DCTN1: variants seen among roughly 807,000 people sequenced by gnomAD.
DCTN1 encodes the protein dynactin subunit 1.
Under a neutral mutation model 161.2 loss-of-function variants are expected in DCTN1, and 61 were observed. The observed-to-expected ratio is 0.38, with a 90% CI of 0.31 to 0.47. DCTN1 has a LOEUF of 0.47. DCTN1 is among the 20% of genes least tolerant of loss of function. The pLI, the probability that DCTN1 is intolerant of heterozygous loss-of-function variation, is 0.99. For missense variants in DCTN1, 1,404 were observed against 1,623.7 expected, an observed-to-expected ratio of 0.86 and a Z score of 2.33; for synonymous variants, 653 against 632.4, an observed-to-expected ratio of 1.03 and a Z score of -0.49.
At chr2:74,367,446 C>G (rs1348436310) in intron 18 of DCTN1, 26 bp from the exon 19 acceptor site, 1 of 1,613,606 alleles carries the variant, frequency 6.2e-7, no homozygotes, top group East Asian at 2.2e-5. Context: ...AGACAGACAA[C>G]TTTTAGGCCC....
At chr2:74,361,743 A>G in intron 31 of DCTN1, 107 bp from the exon 32 acceptor site, 5 of 1,389,956 alleles carry the variant, frequency 3.6e-6, no homozygotes, top group South Asian at 1.2e-5. Context: ...CTGGGTGACT[A>G]GGGCTTCTGA....
chr2:74,361,999 G>C, intron 31 of DCTN1, 53 bp downstream of exon 31: 1 of 1,574,674 alleles, frequency 6.4e-7, no homozygotes, highest in Admixed American at 1.7e-5. Context: ...GGAGAGGGGG[G>C]CCCGCCTGAG....
chr2:74,368,369 AAGGTCTTTCCTGACTTAAAG>A (rs1384560899), intron 16 of DCTN1: 1 of 630,220 alleles, frequency 1.6e-6, no homozygotes, highest in Non-Finnish European at 2.7e-6. Context: ...CGGTGGAATC[AAGGTCTTTCCTGACTTAAAG>A]CTGCCACTCC....
upstream of DCTN1, among the ~76,000 whole-genome samples, chr2:74,381,095 T>C (rs1372098788): frequency 3.9e-5 from 6 of 152,218 alleles, no homozygotes; most frequent in Non-Finnish European, 2.9e-5. Context: ...TAACCATGTA[T>C]TACTTTTATA....
intron 18 of DCTN1, 97 bp from the exon 19 acceptor site, chr2:74,367,517 G>A (rs1674512428): frequency 6.7e-7 from 1 of 1,498,162 alleles, no homozygotes; most frequent in Middle Eastern, 2.0e-4. Flanking sequence ...ATGGGTCTCT[G>A]GAGGTACAAG....
chr2:74,361,886 C>CA (rs1478571783), intron 31 of DCTN1, among the ~76,000 whole-genome samples, 166 bp downstream of exon 31: 1 of 152,174 alleles, frequency 6.6e-6, no homozygotes, highest in African/African-American at 2.4e-5. Flanking sequence ...AATTTCAAAG[C>CA]ACTGTAAGCA....
In DCTN1 at chr2:74,369,836, AGGC is replaced by A; in HGVS notation, c.1392+126_1392+128del. 2 of 817,352 alleles carry A rather than the reference AGGC, an allele frequency of 2.4e-6. No individual in the cohort carries two copies. The highest frequency in any genetic ancestry group is 2.6e-5 in the East Asian group (1 of 38,460). The allele number at this position is 817,352 out of a possible 1,614,324, so 50.6% of individuals were successfully genotyped here. ...TCTCAGAAAAAAAAAAAAAAAAAAA[AGGC>A]AGGGTCAGGGTAGCAAGCCCAGGCT... On this transcript the variant is annotated intron_variant, in intron 13 of 31. Coordinates refer to ENST00000628224, the MANE Select transcript of DCTN1 (RefSeq NM_004082.5). This position sits in a 1 kb window ranked among gnomAD's most constrained non-coding sequence, Gnocchi z 4.9.
chr2:74,380,127 C>T lies in DCTN1; in HGVS notation c.-90G>A. On this transcript the variant is annotated 5_prime_UTR_variant, in exon 1 of 32. Coordinates refer to ENST00000628224, the MANE Select transcript of DCTN1 (RefSeq NM_004082.5). ...TAGGCAGGAGGGTCAGGGCGCTGGG[C>T]CCTCATAGAGGGACACAGGAGTCGT... 1 of 1,454,678 alleles carries T rather than the reference C, an allele frequency of 6.9e-7. No individual in the cohort carries two copies. Among genetic ancestry groups the T allele is most frequent in the South Asian group, 1.1e-5 (1 of 87,554 alleles). 90.1% of individuals were successfully genotyped at this position (1,454,678 alleles called of 1,614,324 possible).
At chr2:74,390,657 C>G (rs1468757109) in intron 1 of DCTN1, 1 of 465,166 alleles carries the variant, frequency 2.1e-6, no homozygotes, top group Non-Finnish European at 4.5e-6. Flanking sequence ...CTCTAACTTT[C>G]AATCCAGTGA....
intron 1 of DCTN1, among the ~76,000 whole-genome samples, chr2:74,388,134 T>C (rs975717570): frequency 6.6e-6 from 1 of 152,086 alleles, no homozygotes; most frequent in Non-Finnish European, 1.5e-5. Flanking sequence ...ACTCAGGAGG[T>C]TGCAGTGAGC....
intron 7 of DCTN1, chr2:74,372,025 A>T: frequency 2.5e-6 from 1 of 405,746 alleles, no homozygotes; most frequent in Admixed American, 3.9e-5. Flanking sequence ...CTGACTCCAC[A>T]TTCCTCCTAG....
At chr2:74,364,989 G>T in intron 26 of DCTN1, 86 bp downstream of exon 26, 7 of 1,562,426 alleles carry the variant, frequency 4.5e-6, no homozygotes, top group Admixed American at 3.3e-5. Context: ...GGGGTAAGGG[G>T]GGTGGGGCAG....
intron 24 of DCTN1, 78 bp downstream of exon 24, chr2:74,365,815 C>T (rs1476502727): frequency 2.5e-6 from 4 of 1,613,540 alleles, no homozygotes; most frequent in Non-Finnish European, 3.4e-6. Flanking sequence ...CGTCTTGGTC[C>T]CGATCCCCAA....
At chr2:74,378,299 T>A in intron 1 of DCTN1, 54 bp from the exon 2 acceptor site, 1 of 1,596,328 alleles carries the variant, frequency 6.3e-7, no homozygotes, top group Non-Finnish European at 8.5e-7. Flanking sequence ...AAAGGTGGCA[T>A]TCTTATGTAT....
At chr2:74,374,015 G>A (rs116536361) in intron 6 of DCTN1, among the ~76,000 whole-genome samples, 1,799 of 152,324 alleles carry the variant, frequency 0.012, 41 homozygotes, top group African/African-American at 0.041. Flanking sequence ...TGCTTCCCTA[G>A]GTTCTACCAC....
At chr2:74,390,784 T>A (rs148499671) in intron 1 of DCTN1, 18 of 249,096 alleles carry the variant, frequency 7.2e-5, no homozygotes, top group African/African-American at 3.8e-4. Context: ...TCGCATTACA[T>A]GTGCACGCCA....
In DCTN1 at chr2:74,369,231, T is replaced by C. The variant is rs1046546245; in HGVS notation, c.1585-17A>G. The stretch of plus-strand genomic sequence containing the variant: ...ATTCACATCCTAGGAGGAGAGACAG[T>C]GAAGCACAGCTGGGTCATAAGGAAG... On this transcript the variant is annotated splice_polypyrimidine_tract_variant and intron_variant, in intron 14 of 31. Coordinates refer to ENST00000628224, the MANE Select transcript of DCTN1 (RefSeq NM_004082.5). This position sits in a 1 kb window ranked among gnomAD's most constrained non-coding sequence, Gnocchi z 4.9. 5 of 1,614,124 alleles carry C rather than the reference T, an allele frequency of 3.1e-6. No homozygotes were observed. Among genetic ancestry groups the C allele is most frequent in the African/African-American group, 1.3e-5 (1 of 75,036 alleles).
chr2:74,379,887 C>T, intron 1 of DCTN1, 118 bp downstream of exon 1: 4 of 1,055,420 alleles, frequency 3.8e-6, no homozygotes, highest in Non-Finnish European at 4.3e-6. Flanking sequence ...AAAACACAGT[C>T]TGAGTGCCCT....
At chr2:74,387,492 A>T (rs1675785657) in intron 1 of DCTN1, among the ~76,000 whole-genome samples, 2 of 152,178 alleles carry the variant, frequency 1.3e-5, no homozygotes, top group South Asian at 4.2e-4. Flanking sequence ...TATCTCCCCC[A>T]CCAAAAACAA....
Sources: allele counts gnomAD v4.1 joint callset (sites outside exome capture counted in the v4.1 genomes callset), GRCh38; gene constraint gnomAD v4.1.1; non-coding constraint Gnocchi (gnomAD v3.1); transcripts MANE v1.5; gene names NCBI Gene and HGNC (gene_info 2026-07-23, HGNC 2026-07-21).